ALK: variants seen among roughly 807,000 people sequenced by gnomAD.
The protein encoded by ALK is ALK receptor tyrosine kinase, also known as ALK tyrosine kinase receptor.
A neutral mutation model predicts 163.1 loss-of-function variants in ALK; 74 were observed. The ratio of observed to expected loss-of-function variants is 0.45; its 90% CI spans 0.38 to 0.55. The LOEUF (loss-of-function observed/expected upper bound fraction) is 0.55, where lower values mean the gene tolerates loss of function less well. Among genes scored for constraint, ALK ranks in the 20% least tolerant of loss-of-function variants. ALK has a pLI of 0.00. For missense variants in ALK, 2,063 were observed against 2,105.3 expected, an observed-to-expected ratio of 0.98 and a Z score of 0.39; for synonymous variants, 960 against 843.2, an observed-to-expected ratio of 1.14 and a Z score of -2.40.
intron 3 of ALK, among the ~76,000 whole-genome samples, chr2:29,645,468 G>A (rs1230828349): frequency 1.3e-5 from 2 of 152,066 alleles, no homozygotes; most frequent in Non-Finnish European, 2.9e-5. Flanking sequence ...ATACTCTCAT[G>A]GTATCATTTT....
intron 3 of ALK, among the ~76,000 whole-genome samples, chr2:29,544,424 T>A (rs1193758656): frequency 6.6e-6 from 1 of 152,176 alleles, no homozygotes; most frequent in Non-Finnish European, 1.5e-5. Context: ...AAGAGTGGAA[T>A]ATAAAATGAA....
At chr2:29,620,331 T>A (rs369449985) in intron 3 of ALK, among the ~76,000 whole-genome samples, 1 of 152,190 alleles carries the variant, frequency 6.6e-6, no homozygotes, top group African/African-American at 2.4e-5. Flanking sequence ...GTGTTCTTTC[T>A]GTGTGTGCCT....
At chr2:29,709,153 G>A (rs964042482) in intron 2 of ALK, among the ~76,000 whole-genome samples, 1 of 152,090 alleles carries the variant, frequency 6.6e-6, no homozygotes, top group African/African-American at 2.4e-5. Flanking sequence ...ACTCATGTCT[G>A]CTGAATATGC....
At chr2:29,584,932 T>A (rs1371625325) in intron 3 of ALK, among the ~76,000 whole-genome samples, 4 of 152,252 alleles carry the variant, frequency 2.6e-5, no homozygotes, top group Admixed American at 6.5e-5. Flanking sequence ...TTGCTTTAGC[T>A]AAACTGTGAA....
intron 4 of ALK, among the ~76,000 whole-genome samples, chr2:29,508,943 G>T (rs772213643): frequency 1.3e-5 from 2 of 152,002 alleles, no homozygotes; most frequent in Non-Finnish European, 2.9e-5. Flanking sequence ...AGATGCCCAG[G>T]CTCCTTTCTT....
chr2:29,866,163 C>T (rs546881469), intron 1 of ALK, among the ~76,000 whole-genome samples: 1 of 152,274 alleles, frequency 6.6e-6, no homozygotes, highest in East Asian at 1.9e-4. Flanking sequence ...CTGACCCCAA[C>T]CAGCCCAGAG....
intron 3 of ALK, among the ~76,000 whole-genome samples, chr2:29,623,659 TG>T (rs1676104533): frequency 6.6e-6 from 1 of 152,214 alleles, no homozygotes; most frequent in African/African-American, 2.4e-5. Flanking sequence ...CAAGACAGCC[TG>T]TGTCTAGACA....
intron 4 of ALK, among the ~76,000 whole-genome samples, chr2:29,389,144 G>A (rs940726152): frequency 6.6e-6 from 1 of 152,232 alleles, no homozygotes; most frequent in African/African-American, 2.4e-5. Flanking sequence ...ATGCTCTAGG[G>A]ATGCGAAGTG....
rs77005290 is a variant in ALK, at chr2:29,274,169, G to A, written c.2041+930C>T. ...AGGAAAGGACTCCTTCAAAGACAAA[G>A]CCATGCTAATGTCTAGTTCACATGT... On this transcript the variant is annotated intron_variant, in intron 11 of 28. Transcript: ENST00000389048. Among the ~76,000 whole-genome samples, 1,123 of 152,294 alleles carry A rather than the reference G, an allele frequency of 7.4e-3. 23 individuals carry two copies. Among genetic ancestry groups the A allele is most frequent in the African/African-American group, 0.025 (1,040 of 41,542 alleles).
intron 5 of ALK, among the ~76,000 whole-genome samples, chr2:29,337,706 C>A (rs904162017): frequency 1.3e-5 from 2 of 152,154 alleles, no homozygotes; most frequent in Admixed American, 1.3e-4. Context: ...AATTCCAAGA[C>A]CTCCAGCACT....
At chr2:29,818,628 A>G (rs1408526282) in intron 1 of ALK, among the ~76,000 whole-genome samples, 1 of 152,254 alleles carries the variant, frequency 6.6e-6, no homozygotes, top group East Asian at 1.9e-4. Context: ...TAAGAAATAT[A>G]GCATCAAACT....
chr2:29,647,934 T>A (rs1676931711), intron 3 of ALK, among the ~76,000 whole-genome samples: 1 of 152,150 alleles, frequency 6.6e-6, no homozygotes, highest in South Asian at 2.1e-4. Flanking sequence ...TCATTCATTA[T>A]GAATAGAAGA....
At chr2:29,411,930 C>A (rs1669734320) in intron 4 of ALK, among the ~76,000 whole-genome samples, 1 of 152,222 alleles carries the variant, frequency 6.6e-6, no homozygotes, top group Non-Finnish European at 1.5e-5. Flanking sequence ...CACTCATACA[C>A]TCTTTGGTGA....
intron 3 of ALK, among the ~76,000 whole-genome samples, chr2:29,549,152 ACACACACACG>A (rs1673648755): frequency 6.6e-6 from 1 of 151,698 alleles, no homozygotes; most frequent in Non-Finnish European, 1.5e-5. Context: ...ACACACACAC[ACACACACACG>A]CACACACACA....
intron 4 of ALK, among the ~76,000 whole-genome samples, chr2:29,500,007 G>A (rs1027075851): frequency 5.9e-5 from 9 of 152,032 alleles, no homozygotes; most frequent in South Asian, 2.1e-4. Context: ...CTTGGGTCTC[G>A]CTGTTCCTTA....
intron 4 of ALK, among the ~76,000 whole-genome samples, chr2:29,446,312 T>A (rs1464705021): frequency 6.6e-6 from 1 of 152,048 alleles, no homozygotes; most frequent in African/African-American, 2.4e-5. Flanking sequence ...TAGGTTTGCA[T>A]GTTGGCAGGA....
At chr2:29,425,746 T>C (rs2148070464) in intron 4 of ALK, among the ~76,000 whole-genome samples, 1 of 152,276 alleles carries the variant, frequency 6.6e-6, no homozygotes, top group African/African-American at 2.4e-5. Flanking sequence ...ATCTTCAAAG[T>C]TCTCCCCAAA....
intron 1 of ALK, among the ~76,000 whole-genome samples, chr2:29,771,590 A>G (rs1014060786): frequency 6.6e-6 from 1 of 151,184 alleles, no homozygotes; most frequent in African/African-American, 2.4e-5. Flanking sequence ...GCTGGAGTGC[A>G]GTGTCACGAT....
chr2:29,198,021 T>C (rs1422799719), intron 26 of ALK, among the ~76,000 whole-genome samples: 3 of 152,206 alleles, frequency 2.0e-5, no homozygotes, highest in African/African-American at 7.2e-5. Flanking sequence ...ATAAATAACA[T>C]TTGGAATGGC....
Sources: gnomAD v4.1 joint callset for allele counts (sites outside exome capture counted in the v4.1 genomes callset) on GRCh38, gnomAD v4.1.1 for gene constraint, MANE v1.5 for transcripts, NCBI Gene and HGNC (gene_info 2026-07-23, HGNC 2026-07-21) for gene names.